Variants in PLCH1 observed in about 807,000 individuals in gnomAD.
PLCH1 encodes the protein phospholipase C eta 1.
A neutral mutation model predicts 126.7 loss-of-function variants in PLCH1; 60 were observed. That is an observed-to-expected ratio of 0.47 (90% confidence interval 0.38 to 0.59). The LOEUF (loss-of-function observed/expected upper bound fraction) is 0.59, where lower values mean the gene tolerates loss of function less well. Ranked by LOEUF, PLCH1 falls within the 20% of genes least tolerant of loss-of-function variation. The pLI, the probability that PLCH1 is intolerant of heterozygous loss-of-function variation, is 0.00. For synonymous variants in PLCH1, 719 were observed against 734.9 expected, an observed-to-expected ratio of 0.98 and a Z score of 0.35; for missense variants, 1,723 against 2,040.0, an observed-to-expected ratio of 0.84 and a Z score of 2.99.
At chr3:155,737,612 T>C (rs1193958261) in intron 1 of PLCH1, among the ~76,000 whole-genome samples, 1 of 152,220 alleles carries the variant, frequency 6.6e-6, no homozygotes, top group Non-Finnish European at 1.5e-5. Context: ...ATTACTGTTC[T>C]ATGAAGCAAT....
chr3:155,622,589 CA>C (rs34373302), intron 2 of PLCH1, among the ~76,000 whole-genome samples: 69,015 of 140,182 alleles, frequency 0.49, 17,392 homozygotes, highest in East Asian at 0.71. Flanking sequence ...AAATGGAAAG[CA>C]AAAAAAAAAA....
intron 2 of PLCH1, among the ~76,000 whole-genome samples, chr3:155,636,395 A>G (rs1046548951): frequency 6.6e-6 from 1 of 152,180 alleles, no homozygotes; most frequent in African/African-American, 2.4e-5. Flanking sequence ...TCATTTTGGG[A>G]AATTTTTTAA....
At chr3:155,632,347 T>A (rs866618174) in intron 2 of PLCH1, among the ~76,000 whole-genome samples, 1 of 152,126 alleles carries the variant, frequency 6.6e-6, no homozygotes, top group African/African-American at 2.4e-5. Flanking sequence ...TTAAGTCAAT[T>A]ACCATGCTTT....
chr3:155,603,382 G>C (rs79442299), intron 2 of PLCH1, among the ~76,000 whole-genome samples: 74,346 of 152,002 alleles, frequency 0.49, 21,239 homozygotes, highest in Non-Finnish European at 0.65. Flanking sequence ...CAGGGCAGAA[G>C]TAAAGGGTAT....
Position 155,581,568 on chromosome 3 carries a change from C to T in PLCH1, c.771+1904G>A, listed in dbSNP as rs573701781. Reference sequence around the variant, plus strand: ...TCACAAAGGTCACATATATGATTCCCTTTATATGAAATGTCCAGAACAGAT... The same window carrying T: ...TCACAAAGGTCACATATATGATTCCTTTTATATGAAATGTCCAGAACAGAT... On this transcript the variant is annotated intron_variant, in intron 6 of 22. Coordinates refer to ENST00000460012, the MANE Select transcript of PLCH1 (RefSeq NM_014996.4). Among the ~76,000 whole-genome samples the T allele has an allele frequency of 9.5e-4, 144 of 152,210 alleles. 2 individuals are homozygous for T. In the Middle Eastern group the frequency reaches 0.01, roughly 11 times the overall value.
intron 14 of PLCH1, among the ~76,000 whole-genome samples, chr3:155,499,033 A>G (rs1717498639): frequency 6.6e-6 from 1 of 152,200 alleles, no homozygotes; most frequent in South Asian, 2.1e-4. Context: ...AGGGCAGAGG[A>G]GATGTATGTG....
intron 2 of PLCH1, among the ~76,000 whole-genome samples, chr3:155,603,262 T>C (rs1050333082): frequency 3.3e-5 from 5 of 152,190 alleles, no homozygotes; most frequent in African/African-American, 1.2e-4. Context: ...ATCTGAGTAA[T>C]TGAAAGAGAT....
intron 11 of PLCH1, among the ~76,000 whole-genome samples, chr3:155,520,329 G>A (rs1720914665): frequency 6.6e-6 from 1 of 152,162 alleles, no homozygotes; most frequent in African/African-American, 2.4e-5. Flanking sequence ...AGATGAGGGA[G>A]GAAAATTATT....
intron 13 of PLCH1, among the ~76,000 whole-genome samples, chr3:155,501,530 C>T (rs964799834): frequency 2.2e-4 from 34 of 152,022 alleles, no homozygotes; most frequent in Middle Eastern, 3.4e-3. Flanking sequence ...TGGTGGCTCG[C>T]GCCTGTAATC....
rs1207313171 is a variant in PLCH1 at position 155,566,251 on chromosome 3, G to A, written c.866-1133C>T. Among the ~76,000 whole-genome samples, 13 of 75,126 alleles carry A rather than the reference G, an allele frequency of 1.7e-4. 2 individuals carry two copies. Among genetic ancestry groups the A allele is most frequent in the Admixed American group, 6.4e-4 (3 of 4,716 alleles). 49.3% of individuals were successfully genotyped at this position (75,126 alleles called of 152,430 possible). ...TACACATATATATACATATATATAC[G>A]TATATATACACATATATATACATAT... On this transcript the variant is annotated intron_variant, in intron 7 of 22. Coordinates refer to ENST00000460012, the MANE Select transcript of PLCH1 (RefSeq NM_014996.4).
chr3:155,610,588 C>T (rs1024235535), intron 2 of PLCH1, among the ~76,000 whole-genome samples: 2 of 151,826 alleles, frequency 1.3e-5, no homozygotes, highest in Non-Finnish European at 2.9e-5. Context: ...TAATTATCAG[C>T]CAAGAATATT....
chr3:155,706,436 A>G (rs531143987), intron 1 of PLCH1, among the ~76,000 whole-genome samples: 19 of 151,956 alleles, frequency 1.3e-4, no homozygotes, highest in Admixed American at 1.2e-3. Flanking sequence ...CCTGACCAAC[A>G]TGGTGAAATC....
chr3:155,707,194 G>A (rs1356369498), intron 1 of PLCH1, among the ~76,000 whole-genome samples: 1 of 152,168 alleles, frequency 6.6e-6, no homozygotes, highest in Non-Finnish European at 1.5e-5. Flanking sequence ...CTCCAGAATT[G>A]TGAGAAATAA....
Position 155,494,326 on chromosome 3 carries a change from A to G in PLCH1, c.2074+12T>C, listed in dbSNP as rs1053806794. 11 of 1,613,792 alleles carry G rather than the reference A, an allele frequency of 6.8e-6. No homozygotes were observed. In the African/African-American group the frequency reaches 1.2e-4, roughly 18 times the overall value. On this transcript the variant is annotated intron_variant, in intron 16 of 22. Coordinates refer to ENST00000460012, the MANE Select transcript of PLCH1 (RefSeq NM_014996.4). The stretch of plus-strand genomic sequence containing the variant: ...ATATACAGAGAACCACTCCTTCCCA[A>G]GGAATACACACCTAGCTGGCAGCCT...
rs182035088 is a variant in PLCH1 at position 155,460,427 on chromosome 3, T to G, written c.2938+24929A>C. Among the ~76,000 whole-genome samples, 12 of 152,276 alleles carry G rather than the reference T, an allele frequency of 7.9e-5. No homozygotes were observed. In the East Asian group the frequency reaches 2.3e-3, roughly 29 times the overall value. ...ATCAGATTATAAATGGGATTTGGGC[T>G]CAAGTCCATCTTACAATGGGTCCAA... On this transcript the variant is annotated intron_variant, in intron 21 of 21. Coordinates refer to the PLCH1 transcript ENST00000494598.
At chr3:155,565,188 A>G in intron 7 of PLCH1, 70 bp from the exon 8 acceptor site, 1 of 952,226 alleles carries the variant, frequency 1.1e-6, no homozygotes. Flanking sequence ...AAGAGGGGCA[A>G]AAGGGGTCAA....
At chr3:155,692,762 ATTTT>A (rs35785650) in intron 2 of PLCH1, among the ~76,000 whole-genome samples, 1 of 148,086 alleles carries the variant, frequency 6.8e-6, no homozygotes, top group South Asian at 2.1e-4. Context: ...ATCATTAGCA[ATTTT>A]TTTTTTTTTG....
intron 1 of PLCH1, among the ~76,000 whole-genome samples, chr3:155,733,278 G>C (rs1330398183): frequency 2.0e-5 from 3 of 152,104 alleles, no homozygotes; most frequent in Admixed American, 6.6e-5. Flanking sequence ...TGAACAAATA[G>C]AACAAAGCTA....
chr3:155,740,458 C>T (rs1749539555), intron 1 of PLCH1, among the ~76,000 whole-genome samples: 1 of 151,540 alleles, frequency 6.6e-6, no homozygotes, highest in Non-Finnish European at 1.5e-5. Flanking sequence ...TTAATTCTAC[C>T]CAACAATATT....
Sources: gnomAD v4.1 joint callset for allele counts (sites outside exome capture counted in the v4.1 genomes callset) on GRCh38, gnomAD v4.1.1 for gene constraint, MANE v1.5 for transcripts, NCBI Gene and HGNC (gene_info 2026-07-23, HGNC 2026-07-21) for gene names.